SMURF2: variants seen among roughly 807,000 people sequenced by gnomAD.
SMURF2 encodes SMAD specific E3 ubiquitin protein ligase 2, also known as E3 ubiquitin-protein ligase SMURF2.
Under a neutral mutation model 109.6 loss-of-function variants are expected in SMURF2, and 48 were observed. The ratio of observed to expected loss-of-function variants is 0.44; its 90% confidence interval spans 0.35 to 0.56. SMURF2 has a LOEUF of 0.56. SMURF2 is among the 20% of genes least tolerant of loss of function. SMURF2 has a pLI of 0.01. For missense variants in SMURF2, 575 were observed against 909.0 expected, an observed-to-expected ratio of 0.63 and a Z score of 4.72; for synonymous variants, 288 against 317.1, an observed-to-expected ratio of 0.91 and a Z score of 0.97.
intron 1 of SMURF2, among the ~76,000 whole-genome samples, chr17:64,655,457 C>CG (rs1402929605): frequency 3.3e-5 from 5 of 150,646 alleles, no homozygotes; most frequent in Admixed American, 1.3e-4. Flanking sequence ...AGGGTTTCAC[C>CG]ATGTTGGCCA....
At chr17:64,613,779 T>G (rs1179366410) in intron 1 of SMURF2, among the ~76,000 whole-genome samples, 1 of 144,802 alleles carries the variant, frequency 6.9e-6, no homozygotes, top group Non-Finnish European at 1.5e-5. Context: ...AAGGGGGTTT[T>G]GGGAATGATT....
intron 1 of SMURF2, among the ~76,000 whole-genome samples, chr17:64,644,596 CAA>C (rs61408446): frequency 5.4e-5 from 7 of 129,440 alleles, no homozygotes; most frequent in Admixed American, 7.9e-5. Flanking sequence ...GACTCTGTCT[CAA>C]AAAAAAAAAG....
intron 2 of SMURF2, among the ~76,000 whole-genome samples, chr17:64,606,257 AAAGG>A (rs1220009716): frequency 6.6e-6 from 1 of 152,216 alleles, no homozygotes; most frequent in Non-Finnish European, 1.5e-5. Flanking sequence ...GAAATTTTCA[AAAGG>A]AAGAAAGTGT....
At position 64,662,112 on chromosome 17, in the gene SMURF2, G is replaced by T. The variant is rs1055241157; in HGVS notation, c.-232C>A. The T allele has an allele frequency of 1.9e-6, 2 of 1,047,294 alleles. No individual in the cohort carries two copies. The highest frequency in any genetic ancestry group is 2.3e-6 in the Non-Finnish European group (2 of 870,790). 64.9% of individuals were successfully genotyped at this position (1,047,294 alleles called of 1,614,324 possible). ...TCCTCGGCCCGGGCCGCACAACAAA[G>T]CGGCAGCCGCGGCCGCCCGCGCCGC... On this transcript the variant is annotated 5_prime_UTR_variant, in exon 1 of 19. Transcript: ENST00000262435.
intron 1 of SMURF2, among the ~76,000 whole-genome samples, chr17:64,659,792 G>GA (rs1970750970): frequency 6.6e-6 from 1 of 151,984 alleles, no homozygotes; most frequent in Non-Finnish European, 1.5e-5. Flanking sequence ...AAAAATGGAA[G>GA]AAAAAATATG....
chr17:64,583,212 G>A (rs922166374), intron 7 of SMURF2, among the ~76,000 whole-genome samples: 5 of 152,156 alleles, frequency 3.3e-5, no homozygotes, highest in Admixed American at 3.3e-4. Context: ...GAGCCACCAC[G>A]CCCTGCCTCA....
At chr17:64,584,616 C>G (rs1598282477) in intron 6 of SMURF2, among the ~76,000 whole-genome samples, 1 of 152,034 alleles carries the variant, frequency 6.6e-6, no homozygotes, top group South Asian at 2.1e-4. Flanking sequence ...CTCAGCCTCC[C>G]AAAGTGCTGG....
Position 64,662,138 on chromosome 17 carries a change from C to G in SMURF2, c.-258G>C, listed in dbSNP as rs1234590094. 5.6e-5 allele frequency: 58 copies of G among 1,038,864 alleles called. No homozygotes were observed. Among genetic ancestry groups the G allele is most frequent in the Non-Finnish European group, 6.5e-5 (56 of 865,444 alleles). The allele number at this position is 1,038,864 out of a possible 1,614,324, so 64.4% of individuals were successfully genotyped here. On this transcript the variant is annotated 5_prime_UTR_variant, in exon 1 of 19. Coordinates refer to ENST00000262435, the MANE Select transcript of SMURF2 (RefSeq NM_022739.4). The stretch of plus-strand genomic sequence containing the variant: ...CGGCAGCCGCGGCCGCCCGCGCCGC[C>G]TCCGCCCGCGCCCCCGCCGCCTCCT...
chr17:64,606,644 T>TAAAA lies in SMURF2; in HGVS notation c.53-8_53-5dup. On this transcript the variant is annotated splice_polypyrimidine_tract_variant and splice_region_variant and intron_variant, in intron 1 of 18. Transcript: ENST00000262435. Reference sequence around the variant, plus strand: ...ACCAGGTTTTTTGCACAGAGTACTGTAAAAAAAAAAAACAAAAAATACATG... The same window carrying TAAAA: ...ACCAGGTTTTTTGCACAGAGTACTGTAAAAAAAAAAAAAAAACAAAAAATACATG... 2 of 1,219,962 alleles carry TAAAA rather than the reference T, an allele frequency of 1.6e-6. No individual in the cohort carries two copies. The highest frequency in any genetic ancestry group is 1.6e-5 in the African/African-American group (1 of 61,106). 75.6% of individuals were successfully genotyped at this position (1,219,962 alleles called of 1,614,324 possible). A position where few individuals can be genotyped will look rare whatever the true frequency, so the allele number is the denominator to read the frequency against.
chr17:64,589,878 G>T (rs765572880), intron 5 of SMURF2, among the ~76,000 whole-genome samples: 13 of 152,134 alleles, frequency 8.5e-5, no homozygotes, highest in Middle Eastern at 3.4e-3. Flanking sequence ...CCCCAGCCTG[G>T]TCTATGGAAA....
chr17:64,570,605 G>A (rs1555685467), intron 10 of SMURF2, among the ~76,000 whole-genome samples: 1 of 152,150 alleles, frequency 6.6e-6, no homozygotes, highest in Non-Finnish European at 1.5e-5. Context: ...ACAATACTCA[G>A]TATAGTGCCT....
chr17:64,661,801 C>T, intron 1 of SMURF2, 28 bp downstream of exon 1: 1 of 1,218,348 alleles, frequency 8.2e-7, no homozygotes, highest in Non-Finnish European at 1.0e-6. Context: ...CCCGCGGCTG[C>T]CCAGCCCGGC....
chr17:64,615,395 T>C (rs1171351766), intron 1 of SMURF2, among the ~76,000 whole-genome samples: 1 of 152,260 alleles, frequency 6.6e-6, no homozygotes, highest in Non-Finnish European at 1.5e-5. Flanking sequence ...TTTAAACTTA[T>C]GTTATCATTG....
chr17:64,566,561 G>GTTTGTTTTTTTTTTT lies in SMURF2; in HGVS notation c.1017-3596_1017-3595insAAAAAAAAAAACAAA, dbSNP rs1969305868. Among the ~76,000 whole-genome samples, 63 of 43,800 alleles carry GTTTGTTTTTTTTTTT rather than the reference G, an allele frequency of 1.4e-3. 7 individuals are homozygous for GTTTGTTTTTTTTTTT. Among genetic ancestry groups the GTTTGTTTTTTTTTTT allele is most frequent in the Middle Eastern group, 0.023 (1 of 44 alleles). The allele number at this position is 43,800 out of a possible 152,430, so 28.7% of individuals were successfully genotyped here. On this transcript the variant is annotated intron_variant, in intron 10 of 18. Coordinates refer to ENST00000262435, the MANE Select transcript of SMURF2 (RefSeq NM_022739.4). ...GATGTAGAAATGCTTAAGCTTTCTG[G>GTTTGTTTTTTTTTTT]TTTTTTTTTTTTTTTTTTTTTTTTT...
intron 1 of SMURF2, among the ~76,000 whole-genome samples, chr17:64,652,657 T>C (rs1555693611): frequency 3.8e-4 from 58 of 152,206 alleles, no homozygotes; most frequent in South Asian, 8.3e-4. Context: ...TGGCTAATTT[T>C]TTATTTTTAG....
chr17:64,640,595 T>C (rs1555692487), intron 1 of SMURF2, among the ~76,000 whole-genome samples: 1 of 152,010 alleles, frequency 6.6e-6, no homozygotes, highest in African/African-American at 2.4e-5. Flanking sequence ...CATGAAGCTA[T>C]ACTGTGGAGA....
intron 2 of SMURF2, among the ~76,000 whole-genome samples, chr17:64,605,331 T>C (rs893611518): frequency 3.9e-5 from 6 of 152,210 alleles, no homozygotes; most frequent in African/African-American, 1.2e-4. Flanking sequence ...TATAACTATA[T>C]AGTTTTATAA....
At chr17:64,566,972 GGA>G (rs1969323011) in intron 10 of SMURF2, among the ~76,000 whole-genome samples, 1 of 151,540 alleles carries the variant, frequency 6.6e-6, no homozygotes, top group Non-Finnish European at 1.5e-5. Flanking sequence ...CCAGGTTCAA[GGA>G]ATTCTCATGC....
chr17:64,617,417 T>C (rs1970141441), intron 1 of SMURF2, among the ~76,000 whole-genome samples: 1 of 152,146 alleles, frequency 6.6e-6, no homozygotes. Context: ...TCTGAGGTAA[T>C]TATCCTAAGA....
Sources: allele counts gnomAD v4.1 joint callset (sites outside exome capture counted in the v4.1 genomes callset), GRCh38; gene constraint gnomAD v4.1.1; transcripts MANE v1.5; gene names NCBI Gene and HGNC (gene_info 2026-07-23, HGNC 2026-07-21).